TRPM7: variants seen among roughly 807,000 people sequenced by gnomAD.
TRPM7 encodes LTRPC ion channel family member 7.
Under a neutral mutation model 229.7 loss-of-function variants are expected in TRPM7, and 134 were observed. The ratio of observed to expected loss-of-function variants is 0.58; its 90% confidence interval spans 0.51 to 0.67. TRPM7 has a LOEUF of 0.67. Ranked by LOEUF, TRPM7 falls within the 30% of genes least tolerant of loss-of-function variation. The pLI is 0.00. For missense variants in TRPM7, 1,901 were observed against 2,210.0 expected (o/e 0.86, Z 2.80); for synonymous variants, 699 against 715.2 (o/e 0.98, Z 0.36).
At chr15:50,629,859 C>CTT (rs33991422) in intron 10 of TRPM7, among the ~76,000 whole-genome samples, 16,496 of 106,426 alleles carry the variant, frequency 0.15, 1,747 homozygotes, top group East Asian at 0.29. Context: ...TCTTTTTAAC[C>CTT]TTTTTTTTTT....
Position 50,570,111 on chromosome 15 carries a change from C to A in TRPM7, c.5353G>T (p.Glu1785Ter), listed in dbSNP as rs1480955263. 6.2e-7 allele frequency: 1 copy of A among 1,610,560 alleles called. No individual in the cohort carries two copies. Among genetic ancestry groups the A allele is most frequent in the South Asian group, 1.1e-5 (1 of 90,288 alleles). ...ATAGTTAAAACTTATTACCTCTTTT[C>A]TTCTGCTTTTATCACAGATGGGTCA... ...LTDPSVIKAE[E>*]KRSCDMVFGP... Residue 1785 changes from glutamate to a stop codon, truncating the protein, a stop_gained, in exon 37 of 39, where the codon GAA becomes TAA. Transcript: ENST00000646667. LOFTEE classifies it high-confidence loss of function.
intron 1 of TRPM7, among the ~76,000 whole-genome samples, chr15:50,677,956 T>C (rs1172511132): frequency 6.7e-6 from 1 of 150,118 alleles, no homozygotes; most frequent in Non-Finnish European, 1.5e-5. Context: ...GACCTAGAAA[T>C]TGGCTGGGCG....
chr15:50,627,494 A>T (rs1596244021), intron 11 of TRPM7, among the ~76,000 whole-genome samples: 1 of 152,202 alleles, frequency 6.6e-6, no homozygotes, highest in East Asian at 1.9e-4. Flanking sequence ...AAGAGCAAGA[A>T]CGTCAACAAG....
chr15:50,607,774 C>T (rs148970563), intron 19 of TRPM7, among the ~76,000 whole-genome samples: 45 of 151,674 alleles, frequency 3.0e-4, no homozygotes, highest in African/African-American at 9.9e-4. Context: ...GGGCACGCCG[C>T]GGTGGCTCAC....
chr15:50,613,501 C>CAA (rs67505794), intron 15 of TRPM7, among the ~76,000 whole-genome samples: 2,154 of 61,772 alleles, frequency 0.035, 76 homozygotes, highest in Non-Finnish European at 0.047. Context: ...ACTCCTGTCT[C>CAA]AAAAAAAAAA....
intron 38 of TRPM7, among the ~76,000 whole-genome samples, chr15:50,568,282 A>G (rs1439272260): frequency 2.0e-5 from 3 of 151,888 alleles, no homozygotes; most frequent in South Asian, 2.1e-4. Context: ...CACTCATTCT[A>G]TACTGTGCTG....
intron 12 of TRPM7, 135 bp from the exon 13 acceptor site, chr15:50,619,933 GAAC>G (rs1386346636): frequency 5.0e-5 from 34 of 686,736 alleles, no homozygotes; most frequent in African/African-American, 1.9e-5. Flanking sequence ...TCATAAAGTA[GAAC>G]AACAAAGAAT....
At chr15:50,633,903 T>A (rs999314697) in intron 8 of TRPM7, among the ~76,000 whole-genome samples, 2 of 152,228 alleles carry the variant, frequency 1.3e-5, no homozygotes, top group Admixed American at 1.3e-4. Context: ...CAATAACATA[T>A]GAGTCAGGCT....
At position 50,592,591 on chromosome 15, in the gene TRPM7, C is replaced by T. The variant is rs2059533674; in HGVS notation, c.3644G>A (p.Gly1215Glu). Residue 1215 changes from glycine to glutamate, a missense_variant, in exon 26 of 39, where the codon GGA becomes GAA. Physicochemically the swap from Gly to Glu is moderately conservative, Grantham distance 98. This residue lies in a region of TRPM7 where 533 missense variants were observed against 497.1 expected (regional missense o/e 1.07). Transcript: ENST00000646667. ...EQMCIQIKEV[G>E]DRVNYIKRSL... ...TCTTTTTATGTAGTTGACACGATCT[C>T]CAACTTCTTTAATCTGAATGCACAT... 1 of 1,603,322 alleles carries T rather than the reference C, an allele frequency of 6.2e-7. No individual in the cohort carries two copies. The highest frequency in any genetic ancestry group is 8.5e-7 in the Non-Finnish European group (1 of 1,178,334).
At chr15:50,572,499 C>A (rs769713353) in intron 36 of TRPM7, among the ~76,000 whole-genome samples, 3 of 152,216 alleles carry the variant, frequency 2.0e-5, no homozygotes, top group Non-Finnish European at 4.4e-5. Context: ...CTATCACACA[C>A]TTTAGACTAC....
chr15:50,639,428 C>T lies in TRPM7; in HGVS notation c.656G>A (p.Arg219Lys). The change falls in exon 6 of 39, where the codon AGA (arginine) becomes AAA (lysine). Residue 219 changes from arginine (R) to lysine (K), a missense_variant. Coordinates refer to ENST00000646667, the MANE Select transcript of TRPM7 (RefSeq NM_017672.6). ...AATTTTAAAAATAATTCTTACATCT[C>T]TCCCAACAAGATCATTTCTGTTTTC... ...VIENRNDLVG[R>K]DVVAPYQTLL... 6.3e-7 allele frequency: 1 copy of T among 1,593,458 alleles called. No individual in the cohort carries two copies. The highest frequency in any genetic ancestry group is 8.6e-7 in the Non-Finnish European group (1 of 1,168,792).
intron 22 of TRPM7, among the ~76,000 whole-genome samples, chr15:50,596,761 T>C (rs1331490860): frequency 2.0e-5 from 3 of 151,980 alleles, no homozygotes; most frequent in African/African-American, 7.2e-5. Context: ...AAACTTTTTT[T>C]TTCCCCTGAG....
chr15:50,644,872 T>C (rs1316733486), intron 4 of TRPM7, among the ~76,000 whole-genome samples: 1 of 150,296 alleles, frequency 6.7e-6, no homozygotes, highest in Non-Finnish European at 1.5e-5. Flanking sequence ...AGTAGAAGAC[T>C]GGAGTCCCTT....
At chr15:50,627,938 A>C (rs1215026968) in intron 11 of TRPM7, among the ~76,000 whole-genome samples, 1 of 152,218 alleles carries the variant, frequency 6.6e-6, no homozygotes, top group Non-Finnish European at 1.5e-5. Context: ...AGATTCTTAG[A>C]GATCTATATA....
intron 15 of TRPM7, among the ~76,000 whole-genome samples, chr15:50,613,380 T>C (rs1387410007): frequency 6.6e-6 from 1 of 151,478 alleles, no homozygotes; most frequent in Non-Finnish European, 1.5e-5. Flanking sequence ...TGGGTGCCTG[T>C]AGTCTCAGCT....
chr15:50,602,382 A>G (rs975110779), intron 21 of TRPM7, among the ~76,000 whole-genome samples: 5 of 151,966 alleles, frequency 3.3e-5, no homozygotes, highest in African/African-American at 9.7e-5. Flanking sequence ...GGGGCCTGTC[A>G]TGGGGTAGGG....
At chr15:50,663,422 G>A (rs530665623) in intron 1 of TRPM7, among the ~76,000 whole-genome samples, 2 of 152,152 alleles carry the variant, frequency 1.3e-5, no homozygotes, top group Admixed American at 6.6e-5. Flanking sequence ...CACCGTGCCC[G>A]GCCCATAAAC....
intron 11 of TRPM7, 32 bp downstream of exon 11, chr15:50,628,117 A>G (rs1212082611): frequency 7.0e-7 from 1 of 1,435,928 alleles, no homozygotes; most frequent in Non-Finnish European, 9.7e-7. Flanking sequence ...AGTGTAATTT[A>G]ATTGTATTGT....
At chr15:50,598,128 A>G (rs1279854328) in intron 22 of TRPM7, among the ~76,000 whole-genome samples, 1 of 152,138 alleles carries the variant, frequency 6.6e-6, no homozygotes, top group Non-Finnish European at 1.5e-5. Flanking sequence ...CTAATCACCC[A>G]TAAATACGTA....
Sources: allele counts gnomAD v4.1 joint callset (sites outside exome capture counted in the v4.1 genomes callset), GRCh38; gene constraint gnomAD v4.1.1; regional missense constraint gnomAD v4.1.1; transcripts MANE v1.5; gene names NCBI Gene and HGNC (gene_info 2026-07-23, HGNC 2026-07-21).